Variants in NYAP2 observed in about 807,000 individuals in gnomAD.
NYAP2 encodes neuronal tyrosine-phosphorylated phosphoinositide-3-kinase adaptor 2, also known as neuronal tyrosine-phosphorylated phosphoinositide-3-kinase adapter 2.
Under a neutral mutation model 50.4 loss-of-function variants are expected in NYAP2, and 23 were observed. The ratio of observed to expected loss-of-function variants is 0.46; its 90% CI spans 0.33 to 0.65. The LOEUF is 0.65. NYAP2 is among the 30% of genes least tolerant of loss of function. NYAP2 has a pLI of 0.02. For missense variants in NYAP2, 885 were observed against 861.0 expected, an observed-to-expected ratio of 1.03 and a Z score of -0.35; for synonymous variants, 394 against 365.2, an observed-to-expected ratio of 1.08 and a Z score of -0.90.
At chr2:225,484,984 C>G (rs192899174) in intron 3 of NYAP2, among the ~76,000 whole-genome samples, 1 of 152,358 alleles carries the variant, frequency 6.6e-6, no homozygotes, top group Admixed American at 6.5e-5. Flanking sequence ...AATTTTGAGG[C>G]TCTCTGAGCC....
chr2:225,613,734 A>G (rs1692938473), intron 5 of NYAP2, among the ~76,000 whole-genome samples: 2 of 152,150 alleles, frequency 1.3e-5, no homozygotes, highest in South Asian at 2.1e-4. Context: ...ACTTTTTTTA[A>G]TAATAGGCAG....
At chr2:225,604,649 G>GA (rs113485855) in intron 5 of NYAP2, among the ~76,000 whole-genome samples, 1 of 151,786 alleles carries the variant, frequency 6.6e-6, no homozygotes, top group Non-Finnish European at 1.5e-5. Flanking sequence ...CATTTTGGAG[G>GA]AAAAAAATCA....
rs140800886 is a variant in NYAP2 at position 225,630,115 on chromosome 2, A to G, written c.1828+2989A>G. Among the ~76,000 whole-genome samples the G allele has an allele frequency of 1.4e-3, 207 of 152,316 alleles. 1 individual carries two copies. The highest frequency in any genetic ancestry group is 4.8e-3 in the African/African-American group (201 of 41,564). ...CTTCTGGATAAAATCCTAAAAGTCT[A>G]TGGGATGGAACAAAGTGTTTGGTAT... On this transcript the variant is annotated intron_variant, in intron 6 of 6. Transcript: ENST00000636099.
At chr2:225,487,520 C>T (rs1400920814) in intron 3 of NYAP2, among the ~76,000 whole-genome samples, 2 of 152,058 alleles carry the variant, frequency 1.3e-5, no homozygotes, top group African/African-American at 4.8e-5. Flanking sequence ...CCGCCACACC[C>T]AGCTAATTTT....
intron 3 of NYAP2, among the ~76,000 whole-genome samples, chr2:225,497,049 G>A (rs1469942041): frequency 6.6e-6 from 1 of 152,078 alleles, no homozygotes; most frequent in African/African-American, 2.4e-5. Context: ...ATTAACACTG[G>A]ACGCTGACAC....
intron 3 of NYAP2, among the ~76,000 whole-genome samples, chr2:225,494,896 TA>T (rs935410572): frequency 1.2e-4 from 19 of 152,220 alleles, no homozygotes; most frequent in Non-Finnish European, 1.9e-4. Flanking sequence ...ATATAAGATA[TA>T]AAAAACTATA....
chr2:225,551,549 A>G lies in NYAP2; in HGVS notation c.524-30392A>G, dbSNP rs528298135. 1.2e-4 allele frequency among the ~76,000 whole-genome samples: 19 copies of G among 152,332 alleles called. No homozygotes were observed. The Middle Eastern group carries it at 0.01, about 82-fold the overall frequency. On this transcript the variant is annotated intron_variant, in intron 4 of 6. Coordinates refer to ENST00000636099, the Ensembl canonical transcript of NYAP2. ...AGAAATAATAATTCATTGTTGAGCC[A>G]TAAAGTTATGGGGTGGTTTGTTACA...
chr2:225,640,278 G>T (rs1693504661), intron 6 of NYAP2, among the ~76,000 whole-genome samples: 1 of 152,144 alleles, frequency 6.6e-6, no homozygotes, highest in East Asian at 1.9e-4. Flanking sequence ...GTTTTTCACT[G>T]ATTGTTGGTA....
chr2:225,431,024 G>A (rs1311521645), intron 3 of NYAP2, among the ~76,000 whole-genome samples: 2 of 152,134 alleles, frequency 1.3e-5, no homozygotes, highest in Non-Finnish European at 2.9e-5. Context: ...CCAAAAAAGA[G>A]CTTGTTCACA....
chr2:225,678,535 T>C, the NYAP2 span, among the ~76,000 whole-genome samples: 1 of 152,182 alleles, frequency 6.6e-6, no homozygotes, highest in Non-Finnish European at 1.5e-5. Context: ...AACCAATTAA[T>C]AGCAGTATCT....
intron 4 of NYAP2, among the ~76,000 whole-genome samples, chr2:225,578,196 G>A (rs773468884): frequency 1.8e-4 from 27 of 152,012 alleles, no homozygotes; most frequent in African/African-American, 3.9e-4. Context: ...GCCTCCCAAG[G>A]TGCTAGGATT....
At chr2:225,697,111 T>A in the NYAP2 span, among the ~76,000 whole-genome samples, 1 of 152,020 alleles carries the variant, frequency 6.6e-6, no homozygotes, top group Non-Finnish European at 1.5e-5. Context: ...GCTGAGCTCA[T>A]GGGCCCAATT....
At chr2:225,583,064 A>G (rs746882805) in intron 5 of NYAP2, 29 bp downstream of exon 5, 22 of 1,595,120 alleles carry the variant, frequency 1.4e-5, no homozygotes, top group Middle Eastern at 3.6e-4. Context: ...CCTGAGCCCC[A>G]GAGCCCAGTG....
intron 5 of NYAP2, among the ~76,000 whole-genome samples, chr2:225,622,554 T>TTC (rs1693131648): frequency 3.4e-5 from 1 of 29,284 alleles, no homozygotes. Context: ...TCTTTCTTTC[T>TTC]TTCTTTTTCT....
At chr2:225,421,351 T>A (rs544617628) in intron 3 of NYAP2, among the ~76,000 whole-genome samples, 38 of 152,356 alleles carry the variant, frequency 2.5e-4, no homozygotes, top group Middle Eastern at 6.8e-3. Flanking sequence ...GAAAATCATT[T>A]GTCAAGCAAA....
intron 4 of NYAP2, among the ~76,000 whole-genome samples, chr2:225,577,924 C>T (rs1458211645): frequency 6.6e-6 from 1 of 151,426 alleles, no homozygotes; most frequent in Admixed American, 6.6e-5. Flanking sequence ...ATCCTCACAC[C>T]CTCATTTAAT....
At chr2:225,541,502 T>C (rs948921594) in intron 4 of NYAP2, among the ~76,000 whole-genome samples, 18 of 152,326 alleles carry the variant, frequency 1.2e-4, no homozygotes, top group Admixed American at 7.2e-4. Context: ...TTCATTCTTC[T>C]GCATATGGAT....
chr2:225,488,162 A>G (rs1198756598), intron 3 of NYAP2, among the ~76,000 whole-genome samples: 1 of 152,238 alleles, frequency 6.6e-6, no homozygotes, highest in African/African-American at 2.4e-5. Context: ...GAATGACAGA[A>G]AAATCTTAAT....
intron 5 of NYAP2, among the ~76,000 whole-genome samples, chr2:225,612,325 GAACAAAACAA>G (rs1274963358): frequency 1.3e-5 from 2 of 151,034 alleles, no homozygotes; most frequent in South Asian, 4.2e-4. Context: ...AAAATAACCC[GAACAAAACAA>G]AACAAAACAA....
Sources: allele counts gnomAD v4.1 joint callset (sites outside exome capture counted in the v4.1 genomes callset), GRCh38; gene constraint gnomAD v4.1.1; transcripts MANE v1.5; gene names NCBI Gene and HGNC (gene_info 2026-07-23, HGNC 2026-07-21).